MAP3K13: variants seen among roughly 807,000 people sequenced by gnomAD.
The protein encoded by MAP3K13 is leucine zipper-bearing kinase.
A neutral mutation model predicts 104.0 loss-of-function variants in MAP3K13; 52 were observed. The ratio of observed to expected loss-of-function variants is 0.50; its 90% CI spans 0.40 to 0.63. The LOEUF is 0.63. Among genes scored for constraint, MAP3K13 ranks in the 20% least tolerant of loss-of-function variants. The pLI is 0.00. For missense variants in MAP3K13, 914 were observed against 1,218.5 expected, an observed-to-expected ratio of 0.75 and a Z score of 3.72; for synonymous variants, 394 against 442.2, an observed-to-expected ratio of 0.89 and a Z score of 1.37.
chr3:185,333,051 A>G (rs774435759), intron 2 of MAP3K13, among the ~76,000 whole-genome samples: 4 of 152,214 alleles, frequency 2.6e-5, no homozygotes, highest in Non-Finnish European at 5.9e-5. Context: ...ATCTTTTCAT[A>G]TTTAAAATAA....
At chr3:185,414,279 G>A (rs935419441) in intron 1 of MAP3K13, among the ~76,000 whole-genome samples, 2 of 152,132 alleles carry the variant, frequency 1.3e-5, no homozygotes, top group Admixed American at 6.5e-5. Flanking sequence ...TTGTTAATAC[G>A]TTATCACATT....
intron 3 of MAP3K13, among the ~76,000 whole-genome samples, chr3:185,442,222 C>A (rs1035805534): frequency 1.3e-5 from 2 of 150,014 alleles, no homozygotes; most frequent in African/African-American, 4.9e-5. Context: ...TTTTCATATT[C>A]TTTTGTGATT....
rs1718814811 is a variant in MAP3K13 at position 185,488,244 on chromosome 3, T to C, written c.*5788T>C. On this transcript the variant is annotated 3_prime_UTR_variant, in exon 14 of 14. Transcript: ENST00000265026. ...ACGGTCAGTATGAATTTAGTGCCTT[T>C]CCAGGCAGCAAAATGTTTCTTCTTT... is the stretch of plus-strand genomic sequence containing the variant. 1 of 152,236 alleles carries C rather than the reference T, an allele frequency of 6.6e-6. No homozygotes were observed. Among genetic ancestry groups the C allele is most frequent in the Non-Finnish European group, 1.5e-5 (1 of 68,048 alleles). The allele number at this position is 152,236 out of a possible 1,614,324, so 9.4% of individuals were successfully genotyped here. A position where few individuals can be genotyped will look rare whatever the true frequency, so the allele number is the denominator to read the frequency against.
At chr3:185,314,618 A>G (rs1379004515) in intron 2 of MAP3K13, among the ~76,000 whole-genome samples, 1 of 151,994 alleles carries the variant, frequency 6.6e-6, no homozygotes, top group African/African-American at 2.4e-5. Context: ...CGTCTCAAAA[A>G]AGAAAAGTAA....
intron 1 of MAP3K13, among the ~76,000 whole-genome samples, chr3:185,415,078 C>A (rs905693530): frequency 2.6e-5 from 4 of 152,168 alleles, no homozygotes; most frequent in African/African-American, 4.8e-5. Flanking sequence ...CTCCTGAGAG[C>A]AGAGCCAGTC....
At chr3:185,395,203 C>T (rs1453359503) in intron 1 of MAP3K13, among the ~76,000 whole-genome samples, 2 of 151,874 alleles carry the variant, frequency 1.3e-5, no homozygotes, top group Non-Finnish European at 2.9e-5. Flanking sequence ...TCTTCCCAGT[C>T]TATTGACTTT....
chr3:185,408,640 T>A (rs1322600452), intron 1 of MAP3K13, among the ~76,000 whole-genome samples: 1 of 151,758 alleles, frequency 6.6e-6, no homozygotes, highest in Non-Finnish European at 1.5e-5. Context: ...GTTTAGTATA[T>A]CCTGTATACA....
chr3:185,430,655 C>T (rs1714689629), intron 2 of MAP3K13, among the ~76,000 whole-genome samples: 1 of 152,124 alleles, frequency 6.6e-6, no homozygotes, highest in Non-Finnish European at 1.5e-5. Flanking sequence ...TAATATTCTT[C>T]AAAGTAACTT....
chr3:185,291,209 C>G (rs1482901517), intron 2 of MAP3K13, among the ~76,000 whole-genome samples: 1 of 152,164 alleles, frequency 6.6e-6, no homozygotes, highest in African/African-American at 2.4e-5. Flanking sequence ...TTTATGCTAT[C>G]TCTTCCAACA....
intron 7 of MAP3K13, among the ~76,000 whole-genome samples, chr3:185,455,725 GAT>G (rs1184851834): frequency 0.023 from 347 of 15,314 alleles, 119 homozygotes; most frequent in Non-Finnish European, 0.045. Flanking sequence ...AGATATATAT[GAT>G]ATATATATGA....
At chr3:185,406,699 G>A (rs559359581) in intron 1 of MAP3K13, among the ~76,000 whole-genome samples, 9 of 152,192 alleles carry the variant, frequency 5.9e-5, no homozygotes, top group Non-Finnish European at 1.2e-4. Flanking sequence ...CAGTTATTAT[G>A]TGAAGAAGGT....
At position 185,451,407 on chromosome 3, in the gene MAP3K13, A is replaced by G; in HGVS notation, c.1278+12A>G. 6.3e-7 allele frequency: 1 copy of G among 1,578,174 alleles called. No homozygotes were observed. The highest frequency in any genetic ancestry group is 8.7e-7 in the Non-Finnish European group (1 of 1,147,214). Reference sequence around the variant, plus strand: ...ACTTCAAGTCTCAGGTAAGTTGGGAAACTTCCTACCAGGTGCTACTAAACA... The same window carrying G: ...ACTTCAAGTCTCAGGTAAGTTGGGAGACTTCCTACCAGGTGCTACTAAACA... On this transcript the variant is annotated intron_variant, in intron 7 of 13. Coordinates refer to ENST00000265026, the MANE Select transcript of MAP3K13 (RefSeq NM_004721.5).
At chr3:185,469,995 C>T (rs1717683252) in intron 10 of MAP3K13, among the ~76,000 whole-genome samples, 1 of 152,094 alleles carries the variant, frequency 6.6e-6, no homozygotes, top group Non-Finnish European at 1.5e-5. Context: ...GCCTGGAACA[C>T]CCAAGGGCTT....
intron 2 of MAP3K13, among the ~76,000 whole-genome samples, chr3:185,308,872 G>A (rs575726253): frequency 1.3e-5 from 2 of 152,120 alleles, no homozygotes; most frequent in Non-Finnish European, 2.9e-5. Flanking sequence ...TTTCAATGTG[G>A]CTGTTCTTGG....
At chr3:185,393,787 C>CA (rs961151011) in intron 1 of MAP3K13, among the ~76,000 whole-genome samples, 1 of 152,092 alleles carries the variant, frequency 6.6e-6, no homozygotes, top group Non-Finnish European at 1.5e-5. Flanking sequence ...GAAAGGCTCA[C>CA]AAAAAACTGG....
intron 1 of MAP3K13, among the ~76,000 whole-genome samples, chr3:185,384,308 C>CTGTG (rs142627913): frequency 0.63 from 92,841 of 147,396 alleles, 30,318 homozygotes; most frequent in Non-Finnish European, 0.74. Flanking sequence ...GTATTCCATT[C>CTGTG]TGTGTGTGTG....
rs1473879835 is a variant in MAP3K13, at chr3:185,455,532, A to ACATATATATGATATATATGATATATAT, written c.1278+4137_1278+4138insCATATATATGATATATATGATATATAT. Among the ~76,000 whole-genome samples the ACATATATATGATATATATGATATATAT allele has an allele frequency of 1.6e-4, 5 of 31,046 alleles. 1 individual carries two copies. Among genetic ancestry groups the ACATATATATGATATATATGATATATAT allele is most frequent in the African/African-American group, 3.8e-4 (5 of 13,280 alleles). The allele number at this position is 31,046 out of a possible 152,430, so 20.4% of individuals were successfully genotyped here. ...ATATGAGATATATATGATATATATG[A>ACATATATATGATATATATGATATATAT]GATATATATGACATATATATGATAT... On this transcript the variant is annotated intron_variant, in intron 7 of 13. Transcript: ENST00000265026.
rs564592901 is a variant in MAP3K13, at chr3:185,420,272, G to T, written c.-85-8225G>T. Among the ~76,000 whole-genome samples the T allele has an allele frequency of 7.9e-5, 12 of 152,238 alleles. 1 individual carries two copies. In the South Asian group the frequency reaches 2.1e-3, roughly 26 times the overall value. The stretch of plus-strand genomic sequence containing the variant: ...GTTAAGAGAGTAAGTAGGGATAAAG[G>T]CACGATTGTAGGCCATTCTTTTTAC... On this transcript the variant is annotated intron_variant, in intron 1 of 13. Coordinates refer to ENST00000265026, the MANE Select transcript of MAP3K13 (RefSeq NM_004721.5).
At chr3:185,375,663 C>G (rs1056620225) in intron 1 of MAP3K13, among the ~76,000 whole-genome samples, 1 of 152,192 alleles carries the variant, frequency 6.6e-6, no homozygotes, top group African/African-American at 2.4e-5. Context: ...CAAGTTGGAA[C>G]GCTAGCTGCT....
Sources: allele counts gnomAD v4.1 joint callset (sites outside exome capture counted in the v4.1 genomes callset), GRCh38; gene constraint gnomAD v4.1.1; transcripts MANE v1.5; gene names NCBI Gene and HGNC (gene_info 2026-07-23, HGNC 2026-07-21).